FGA: variants seen among roughly 807,000 people sequenced by gnomAD.
The protein encoded by FGA is fibrinogen alpha chain, also known as fibrinogen, A alpha polypeptide.
Under a neutral mutation model 20.3 loss-of-function variants are expected in FGA, and 20 were observed. The observed-to-expected ratio is 0.99, with a 90% confidence interval of 0.69 to 1.43. The LOEUF is 1.43. Ranked by LOEUF, FGA falls within the 40% of genes most tolerant of loss-of-function variation. FGA has a pLI of 0.00. For synonymous variants in FGA, 306 were observed against 281.6 expected, an observed-to-expected ratio of 1.09 and a Z score of -0.87; for missense variants, 777 against 784.7, an observed-to-expected ratio of 0.99 and a Z score of 0.12.
chr4:154,587,801 A>AAGAAAGAG lies in FGA; in HGVS notation c.365-145_365-144insCTCTTTCT, dbSNP rs1261716298. The AAGAAAGAG allele has an allele frequency of 5.3e-5, 37 of 693,270 alleles. No homozygotes were observed. The African/African-American group carries it at 6.0e-4, about 11-fold the overall frequency. 42.9% of individuals were successfully genotyped at this position (693,270 alleles called of 1,614,324 possible). The stretch of plus-strand genomic sequence containing the variant: ...AAAGAAAGAAAGAAAGAAAGAAAGA[A>AAGAAAGAG]AGAGAAAAAAGAAAGAAAGAAACTA... On this transcript the variant is annotated intron_variant, in intron 3 of 4. Transcript: ENST00000403106.
In FGA at chr4:154,586,482, C is replaced by G; in HGVS notation, c.947G>C (p.Gly316Ala). Residue 316 changes from glycine (G) to alanine (A), a missense_variant, in exon 5 of 5, where the codon GGA becomes GCA. Gly to Ala is a moderately conservative substitution (Grantham distance 60). Coordinates refer to ENST00000403106, the MANE Select transcript of FGA (RefSeq NM_021871.4). ...CCCAGGTTTCCAGGTTGCAGTCCCT[C>G]CAGTCCCAGAGCTCCCAGGGTTTCG... is the stretch of plus-strand genomic sequence containing the variant. Reference protein sequence around the residue: ...GNRNPGSSGTGGTATWKPGSS... With the variant: ...GNRNPGSSGTAGTATWKPGSS... 6.2e-7 allele frequency: 1 copy of G among 1,613,962 alleles called. No individual in the cohort carries two copies. Among genetic ancestry groups the G allele is most frequent in the South Asian group, 1.1e-5 (1 of 91,058 alleles).
intron 3 of FGA, 110 bp from the exon 4 acceptor site, chr4:154,587,767 G>GA (rs1730769441): frequency 1.6e-6 from 1 of 632,830 alleles, no homozygotes; most frequent in Non-Finnish European, 2.7e-6. Flanking sequence ...AAGAAAGAAA[G>GA]AAAGAAAGAA....
rs1004741652 is a variant in FGA at position 154,586,024 on chromosome 4, C to T, written c.1405G>A (p.Val469Ile). ...RSCSKTVTKT[V>I]IGPDGHKEVT... is the part of the protein sequence containing the mutation. ...TCTTTGTGACCATCAGGACCAATAA[C>T]AGTCTTAGTAACGGTTTTAGAGCAT... is the stretch of plus-strand genomic sequence containing the variant. The change falls in exon 5 of 5, where the codon GTT becomes ATT. Residue 469 changes from valine to isoleucine, a missense_variant. Physicochemically the swap from Val to Ile is conservative, Grantham distance 29. Transcript: ENST00000403106. 16 of 1,614,060 alleles carry T rather than the reference C, an allele frequency of 9.9e-6. No homozygotes were observed. Among genetic ancestry groups the T allele is most frequent in the Non-Finnish European group, 1.3e-5 (15 of 1,180,034 alleles).
At chr4:154,584,536 T>C (rs760416652), downstream of FGA, 1 of 1,613,982 alleles carries the variant, frequency 6.2e-7, no homozygotes, top group Admixed American at 1.7e-5. Flanking sequence ...CCCAGCCCAG[T>C]CCTCTAATTC....
downstream of FGA, chr4:154,584,089 A>AGAAGACATAGTGCTCCCATTCCCACTTC: frequency 2.9e-6 from 4 of 1,369,318 alleles, no homozygotes; most frequent in Non-Finnish European, 4.2e-6. Flanking sequence ...TCTCTAGCAA[A>AGAAGACATAGTGCTCCCATTCCCACTTC]GAAGACAGAG....
At chr4:154,584,898 G>A, downstream of FGA, 2 of 1,217,230 alleles carry the variant, frequency 1.6e-6, no homozygotes, top group Non-Finnish European at 2.4e-6. Flanking sequence ...GATAGGCACG[G>A]CTCAGATTAA....
intron 2 of FGA, 50 bp from the exon 3 acceptor site, chr4:154,589,026 G>T: frequency 6.7e-7 from 1 of 1,490,144 alleles, no homozygotes; most frequent in African/African-American, 1.4e-5. Context: ...CTCAGATTCA[G>T]AATAATTTTG....
Position 154,586,239 on chromosome 4 carries a change from C to G in FGA, c.1190G>C (p.Ser397Thr). Residue 397 changes from serine to threonine, a missense_variant, in exon 5 of 5, where the codon AGC becomes ACC. Transcript: ENST00000403106. ...HSESGSFRPD[S>T]PGSGNARPNN... ...AGGCCTCGCGTTCCCAGAGCCTGGG[C>G]TATCTGGCCTAAAACTTCCAGATTC... The G allele has an allele frequency of 6.2e-7, 1 of 1,614,082 alleles. No homozygotes were observed. The highest frequency in any genetic ancestry group is 8.5e-7 in the Non-Finnish European group (1 of 1,179,958).
chr4:154,585,139 T>C, downstream of FGA: 3 of 852,978 alleles, frequency 3.5e-6, no homozygotes, highest in South Asian at 1.9e-5. Context: ...ACACAACTTG[T>C]ATTTAGCCTG....
chr4:154,587,456 T>C (rs1266289334), intron 4 of FGA, 56 bp downstream of exon 4: 11 of 1,522,982 alleles, frequency 7.2e-6, no homozygotes, highest in Non-Finnish European at 1.0e-5. Flanking sequence ...AACTATCGCC[T>C]TCCTTTTCCC....
chr4:154,589,799 G>C (rs1174181225), intron 1 of FGA, among the ~76,000 whole-genome samples: 3 of 152,172 alleles, frequency 2.0e-5, no homozygotes, highest in African/African-American at 4.8e-5. Context: ...TTTCTTAACT[G>C]TGTGTGACAC....
Position 154,585,591 on chromosome 4 carries a change from T to C in FGA, c.1838A>G (p.His613Arg), listed in dbSNP as rs201686865. The change falls in exon 5 of 5, where the codon CAT (histidine) becomes CGT (arginine). Residue 613 changes from histidine (H) to arginine (R), a missense_variant. His to Arg is a conservative substitution (Grantham distance 29). Transcript: ENST00000403106. ...MADEAGSEAD[H>R]EGTHSTKRGH... ...TCTCTTGGTGCTATGTGTTCCTTCA[T>C]GATCGGCTTCACTTCCGGCCTCATC... 6.1e-5 allele frequency: 99 copies of C among 1,614,106 alleles called. 1 individual carries two copies. The highest frequency in any genetic ancestry group is 2.0e-4 in the Admixed American group (12 of 60,012).
intron 2 of FGA, 64 bp from the exon 3 acceptor site, chr4:154,589,040 G>T: frequency 7.1e-7 from 1 of 1,409,864 alleles, no homozygotes; most frequent in Non-Finnish European, 1.0e-6. Context: ...AATTTTGCAT[G>T]TTTCCATGCA....
At chr4:154,585,042 G>A (rs574751447), downstream of FGA, among the ~76,000 whole-genome samples, 1 of 152,250 alleles carries the variant, frequency 6.6e-6, no homozygotes, top group East Asian at 1.9e-4. Context: ...ATTGCAAAGG[G>A]GATTTTCCTC....
At position 154,586,589 on chromosome 4, in the gene FGA, T is replaced by C. The variant is rs1284759550; in HGVS notation, c.840A>G (p.Gly280=). ...GGTTCCTGGGGCTTTCCGTCTCTGA[T>C]CCGGTTCCATAAGAGGTGGAGCCTC... ...TRGGSTSYGT[G]SETESPRNPS... The change falls in exon 5 of 5, where the codon GGA becomes GGG. Residue 280 remains glycine, a synonymous_variant. Transcript: ENST00000403106. The C allele has an allele frequency of 1.9e-6, 3 of 1,614,096 alleles. No individual in the cohort carries two copies.
chr4:154,588,610 A>G (rs1016126674), intron 3 of FGA, among the ~76,000 whole-genome samples, 183 bp downstream of exon 3: 13 of 152,176 alleles, frequency 8.5e-5, no homozygotes, highest in African/African-American at 3.1e-4. Flanking sequence ...AACATCTTTT[A>G]CTTTGAAAAA....
chr4:154,590,673 C>G lies in FGA; in HGVS notation c.15G>C (p.Arg5Ser). Residue 5 changes from arginine to serine, a missense_variant, in exon 1 of 5, where the codon AGG (arginine) becomes AGC (serine). By Grantham distance (110) the Arg-to-Ser change is moderately radical (BLOSUM62 -1). Transcript: ENST00000403106. MFSM[R>S]IVCLVLSVVG... ...CCACACTTAGGACCAGGCAGACGATCCTCATGGAAAACATCTTTTCTAAGG... is the reference window on the plus strand; with the variant it reads ...CCACACTTAGGACCAGGCAGACGATGCTCATGGAAAACATCTTTTCTAAGG... 6.4e-7 allele frequency: 1 copy of G among 1,557,612 alleles called. No individual in the cohort carries two copies. Among genetic ancestry groups the G allele is most frequent in the Non-Finnish European group, 8.7e-7 (1 of 1,149,852 alleles).
At chr4:154,584,781 G>GA (rs1397197290), downstream of FGA, 5 of 1,613,828 alleles carry the variant, frequency 3.1e-6, no homozygotes, top group Non-Finnish European at 4.2e-6. Flanking sequence ...GCTTGATATT[G>GA]AAAATGCCAC....
Position 154,589,108 on chromosome 4 carries a change from A to T in FGA, c.181-132T>A, listed in dbSNP as rs1730808945. On this transcript the variant is annotated intron_variant, in intron 2 of 4. Coordinates refer to ENST00000403106, the MANE Select transcript of FGA (RefSeq NM_021871.4). The stretch of plus-strand genomic sequence containing the variant: ...ATAAGTTGGCTTAAAAGTAGGTAAG[A>T]GGACTAGTTAGAGGTCGCAGAGAAA... The T allele has an allele frequency of 3.7e-6, 3 of 807,354 alleles. No individual in the cohort carries two copies. In the South Asian group the frequency reaches 4.6e-5, roughly 12 times the overall value. The allele number at this position is 807,354 out of a possible 1,614,324, so 50.0% of individuals were successfully genotyped here. A position where few individuals can be genotyped will look rare whatever the true frequency, so the allele number is the denominator to read the frequency against.
Sources: allele counts gnomAD v4.1 joint callset (sites outside exome capture counted in the v4.1 genomes callset), GRCh38; gene constraint gnomAD v4.1.1; transcripts MANE v1.5; gene names NCBI Gene and HGNC (gene_info 2026-07-23, HGNC 2026-07-21).